PC: variants seen among roughly 807,000 people sequenced by gnomAD.
PC encodes the protein pyruvate carboxylase, mitochondrial.
A neutral mutation model predicts 107.8 loss-of-function variants in PC; 46 were observed. The observed-to-expected ratio is 0.43, with a 90% CI of 0.34 to 0.55. PC has a LOEUF of 0.55. PC is among the 20% of genes least tolerant of loss of function. The pLI, the probability that PC is intolerant of heterozygous loss-of-function variation, is 0.04. For missense variants in PC, 1,241 were observed against 1,643.1 expected, an observed-to-expected ratio of 0.76 and a Z score of 4.23; for synonymous variants, 662 against 684.7, an observed-to-expected ratio of 0.97 and a Z score of 0.52.
At chr11:66,957,198 A>G (rs1949583410) in intron 1 of PC, among the ~76,000 whole-genome samples, 1 of 152,256 alleles carries the variant, frequency 6.6e-6, no homozygotes, top group African/African-American at 2.4e-5. Flanking sequence ...ATAGGGAGGC[A>G]GATGGCAGGC....
intron 3 of PC, among the ~76,000 whole-genome samples, chr11:66,913,806 G>A (rs1175797801): frequency 6.6e-6 from 1 of 152,300 alleles, no homozygotes; most frequent in Admixed American, 6.5e-5. Context: ...GGGTGGGTTT[G>A]CAACACCCGT....
At chr11:66,955,833 C>T (rs528158326) in intron 1 of PC, among the ~76,000 whole-genome samples, 8 of 151,248 alleles carry the variant, frequency 5.3e-5, no homozygotes, top group African/African-American at 9.7e-5. Context: ...AGTGCAGGGG[C>T]GTGATCTCAG....
rs1421059357 is a variant in PC, at chr11:66,851,432, G to GGCCAC, written c.1983-157_1983-153dup. ...GGTGTGGCATCCACAGGCGGGGGGT[G>GGCCAC]GCCACACAAGTGTGGACCAGGCCCT... On this transcript the variant is annotated intron_variant, in intron 16 of 22. Transcript: ENST00000393960. The GGCCAC allele has an allele frequency of 2.6e-6, 3 of 1,175,852 alleles. No individual in the cohort carries two copies. In the East Asian group the frequency reaches 7.6e-5, roughly 30 times the overall value. The allele number at this position is 1,175,852 out of a possible 1,614,324, so 72.8% of individuals were successfully genotyped here. A position where few individuals can be genotyped will look rare whatever the true frequency, so the allele number is the denominator to read the frequency against.
chr11:66,950,576 C>T (rs1331661308), intron 3 of PC, among the ~76,000 whole-genome samples: 6 of 152,148 alleles, frequency 3.9e-5, no homozygotes, highest in Non-Finnish European at 8.8e-5. Flanking sequence ...GACTACAGAG[C>T]CTTAGTCCCT....
At chr11:66,952,181 G>A (rs1364951354) in intron 3 of PC, 1 of 152,234 alleles carries the variant, frequency 6.6e-6, no homozygotes, top group Non-Finnish European at 1.5e-5. Context: ...CCAGAACCAG[G>A]GCCTTCTGCT....
intron 3 of PC, among the ~76,000 whole-genome samples, chr11:66,927,723 CAAAA>C (rs568408958): frequency 1.0e-5 from 1 of 96,082 alleles, no homozygotes; most frequent in Non-Finnish European, 2.2e-5. Flanking sequence ...AAGTCCGTCT[CAAAA>C]AAAAAAAAAA....
At chr11:66,928,591 T>G (rs1591294478) in intron 3 of PC, among the ~76,000 whole-genome samples, 1 of 152,046 alleles carries the variant, frequency 6.6e-6, no homozygotes, top group African/African-American at 2.4e-5. Flanking sequence ...AATGGAGCGA[T>G]CTCAGCTCAC....
intron 3 of PC, among the ~76,000 whole-genome samples, chr11:66,940,956 A>T (rs1949114710): frequency 6.6e-6 from 1 of 151,622 alleles, no homozygotes; most frequent in Non-Finnish European, 1.5e-5. Context: ...CATGTTTACA[A>T]TCCAAGCTAC....
At chr11:66,873,485 TA>T in intron 3 of PC, among the ~76,000 whole-genome samples, 1 of 63,648 alleles carries the variant, frequency 1.6e-5, no homozygotes, top group Non-Finnish European at 2.8e-5. Context: ...TAATATATAA[TA>T]TTATATATAT....
intron 12 of PC, chr11:66,860,154 G>C: frequency 6.5e-7 from 1 of 1,548,792 alleles, no homozygotes; most frequent in Non-Finnish European, 8.7e-7. Flanking sequence ...GTGCCGGGGG[G>C]TAGGAGGCAG....
chr11:66,932,987 C>T (rs1160312842), intron 3 of PC, among the ~76,000 whole-genome samples: 1 of 152,086 alleles, frequency 6.6e-6, no homozygotes, highest in African/African-American at 2.4e-5. Flanking sequence ...TCTAAAATAC[C>T]TCTTCCACCA....
At chr11:66,944,366 G>C in intron 3 of PC, among the ~76,000 whole-genome samples, 1 of 115,640 alleles carries the variant, frequency 8.6e-6, no homozygotes, top group South Asian at 2.5e-4. Context: ...ATCACTTGAG[G>C]TCAGGAGTTC....
intron 3 of PC, among the ~76,000 whole-genome samples, chr11:66,932,975 C>T (rs1489915331): frequency 2.0e-5 from 3 of 152,226 alleles, no homozygotes; most frequent in Admixed American, 6.5e-5. Context: ...GAGAATCCTT[C>T]GTCTAAAATA....
intron 3 of PC, among the ~76,000 whole-genome samples, chr11:66,940,963 C>T (rs890473619): frequency 2.0e-5 from 3 of 151,012 alleles, no homozygotes; most frequent in African/African-American, 7.3e-5. Flanking sequence ...ACAATCCAAG[C>T]TACTTGGGAG....
At chr11:66,957,591 G>C (rs2136168845) in intron 1 of PC, 1 of 152,542 alleles carries the variant, frequency 6.6e-6, no homozygotes, top group Middle Eastern at 3.4e-3. Context: ...ACTCCAGCCT[G>C]GGTGGGTGAC....
At chr11:66,927,955 T>C (rs182832183) in intron 3 of PC, among the ~76,000 whole-genome samples, 43 of 152,292 alleles carry the variant, frequency 2.8e-4, no homozygotes, top group African/African-American at 1.0e-3. Flanking sequence ...AGTTCTAAGA[T>C]GAACAATACA....
intron 12 of PC, chr11:66,860,012 C>A: frequency 1.9e-6 from 3 of 1,589,976 alleles, no homozygotes; most frequent in Non-Finnish European, 2.6e-6. Flanking sequence ...CGCCGCGGAG[C>A]CCCCCGCCCC....
Position 66,896,575 on chromosome 11 carries a change from C to G in PC, c.1-24416G>C, listed in dbSNP as rs767911127. 4.7e-4 allele frequency among the ~76,000 whole-genome samples: 72 copies of G among 152,210 alleles called. 1 individual carries two copies. The highest frequency in any genetic ancestry group is 1.6e-3 in the African/African-American group (65 of 41,438). On this transcript the variant is annotated intron_variant, in intron 3 of 22. Transcript: ENST00000393960. Reference sequence around the variant, plus strand: ...CCTGGGAGAGGGCACGCCAAGGGAGCAGAGGGGCAAGGAGGATGGACAGCG... The same window carrying G: ...CCTGGGAGAGGGCACGCCAAGGGAGGAGAGGGGCAAGGAGGATGGACAGCG...
rs1472617947 is a variant in PC, at chr11:66,857,369, G to T, written c.1369-3986C>A. On this transcript the variant is annotated intron_variant, in intron 12 of 22. Coordinates refer to ENST00000393960, the MANE Select transcript of PC (RefSeq NM_001040716.2). This position sits in a 1 kb window ranked among gnomAD's most constrained non-coding sequence, Gnocchi z 7.1. ...ACGGACTCCACGGGAGGTTCGGGGGGCGCCTTCTCTGGCGGGGGAGGGTAT... is the reference window on the plus strand; with the variant it reads ...ACGGACTCCACGGGAGGTTCGGGGGTCGCCTTCTCTGGCGGGGGAGGGTAT... 22 of 191,484 alleles carry T rather than the reference G, an allele frequency of 1.1e-4. No homozygotes were observed. Among genetic ancestry groups the T allele is most frequent in the Non-Finnish European group, 1.6e-4 (15 of 93,954 alleles). The allele number at this position is 191,484 out of a possible 1,614,324, so 11.9% of individuals were successfully genotyped here.
Sources: gnomAD v4.1 joint callset for allele counts (sites outside exome capture counted in the v4.1 genomes callset) on GRCh38, gnomAD v4.1.1 for gene constraint, Gnocchi (gnomAD v3.1) non-coding constraint, MANE v1.5 for transcripts, NCBI Gene and HGNC (gene_info 2026-07-23, HGNC 2026-07-21) for gene names.